The following MACROD2 variants were observed in gnomAD, a reference collection of about 807,000 sequenced individuals.
MACROD2 encodes mono-ADP ribosylhydrolase 2.
MACROD2 carries 36 observed loss-of-function variants against 70.4 expected under a neutral mutation model. That is an observed-to-expected ratio of 0.51 (90% CI 0.39 to 0.68). The LOEUF is 0.68. MACROD2 is among the 30% of genes least tolerant of loss of function. The pLI is 0.00. For missense variants in MACROD2, 496 were observed against 538.4 expected, an observed-to-expected ratio of 0.92 and a Z score of 0.78; for synonymous variants, 172 against 178.8, an observed-to-expected ratio of 0.96 and a Z score of 0.30.
intron 3 of MACROD2, among the ~76,000 whole-genome samples, chr20:14,190,402 TAC>T (rs1347525561): frequency 2.6e-5 from 4 of 152,012 alleles, no homozygotes; most frequent in African/African-American, 9.7e-5. Flanking sequence ...TTAGAATACT[TAC>T]AGAAAATAGC....
intron 3 of MACROD2, among the ~76,000 whole-genome samples, chr20:14,142,754 T>C (rs2054893717): frequency 1.3e-5 from 2 of 152,224 alleles, no homozygotes; most frequent in Non-Finnish European, 2.9e-5. Context: ...TTGATAAACT[T>C]CTATAAAATA....
At chr20:15,632,612 C>T (rs1180180790) in intron 8 of MACROD2, among the ~76,000 whole-genome samples, 1 of 151,978 alleles carries the variant, frequency 6.6e-6, no homozygotes, top group East Asian at 1.9e-4. Flanking sequence ...ACTTTGAGGG[C>T]CAGAGGAAGA....
intron 10 of MACROD2, among the ~76,000 whole-genome samples, chr20:15,925,188 T>C (rs2065470533): frequency 6.6e-6 from 1 of 152,238 alleles, no homozygotes; most frequent in African/African-American, 2.4e-5. Context: ...AGTTGATTTC[T>C]AACCTCAGTT....
intron 3 of MACROD2, among the ~76,000 whole-genome samples, chr20:14,200,541 A>G (rs1274726055): frequency 6.6e-6 from 1 of 152,208 alleles, no homozygotes; most frequent in Non-Finnish European, 1.5e-5. Flanking sequence ...AACAAAAAAC[A>G]AAAAACAAAA....
intron 5 of MACROD2, among the ~76,000 whole-genome samples, chr20:14,887,162 G>T (rs933156910): frequency 6.6e-6 from 1 of 152,064 alleles, no homozygotes; most frequent in Non-Finnish European, 1.5e-5. Flanking sequence ...ATGTGTGTCT[G>T]CAAAGGCTTC....
At chr20:15,822,029 T>A (rs548475027) in intron 8 of MACROD2, among the ~76,000 whole-genome samples, 3 of 152,332 alleles carry the variant, frequency 2.0e-5, no homozygotes, top group East Asian at 3.9e-4. Flanking sequence ...TGAAATTCTG[T>A]CAAATAATTA....
intron 12 of MACROD2, among the ~76,000 whole-genome samples, chr20:15,957,032 C>A (rs914960906): frequency 2.0e-5 from 3 of 152,078 alleles, no homozygotes; most frequent in Admixed American, 2.0e-4. Flanking sequence ...AGCAAGAAGA[C>A]ACAGAAAAGG....
intron 15 of MACROD2, among the ~76,000 whole-genome samples, chr20:16,035,781 CATCCACA>C: frequency 3.0e-4 from 1 of 3,282 alleles, no homozygotes; most frequent in Non-Finnish European, 7.5e-3. Context: ...GAAGTGTATC[CATCCACA>C]TGAGCTGAGT....
chr20:14,013,003 G>A (rs1243118778), intron 2 of MACROD2, among the ~76,000 whole-genome samples: 2 of 152,104 alleles, frequency 1.3e-5, no homozygotes, highest in African/African-American at 4.8e-5. Context: ...GTGTGCATAA[G>A]TTTTGATAAA....
chr20:14,646,929 G>A (rs940514318), intron 4 of MACROD2, among the ~76,000 whole-genome samples: 4 of 151,954 alleles, frequency 2.6e-5, no homozygotes, highest in Admixed American at 2.0e-4. Flanking sequence ...AAATATGTGC[G>A]GGTGTCTGGG....
intron 5 of MACROD2, among the ~76,000 whole-genome samples, chr20:14,901,769 T>C (rs963484812): frequency 6.6e-6 from 1 of 152,176 alleles, no homozygotes; most frequent in Non-Finnish European, 1.5e-5. Flanking sequence ...TTGCCTGGAA[T>C]AGTTTCTCTA....
chr20:15,478,424 T>C (rs2047050593), intron 7 of MACROD2, among the ~76,000 whole-genome samples: 1 of 152,184 alleles, frequency 6.6e-6, no homozygotes, highest in Admixed American at 6.5e-5. Flanking sequence ...TAGGCTTGTC[T>C]ACAACTTGTC....
chr20:14,202,645 A>G (rs1019615087), intron 3 of MACROD2, among the ~76,000 whole-genome samples: 5 of 152,234 alleles, frequency 3.3e-5, no homozygotes, highest in Non-Finnish European at 7.3e-5. Context: ...TATAAGAAGA[A>G]AAGAAGTGCT....
chr20:15,444,230 A>T (rs1012158073), intron 7 of MACROD2, among the ~76,000 whole-genome samples: 2 of 152,174 alleles, frequency 1.3e-5, no homozygotes, highest in African/African-American at 4.8e-5. Context: ...CGTCCATGTC[A>T]TAGCATCTGT....
chr20:14,865,247 A>G (rs387455), intron 5 of MACROD2, among the ~76,000 whole-genome samples: 39,143 of 151,978 alleles, frequency 0.26, 5,627 homozygotes, highest in Non-Finnish European at 0.33. Context: ...CCATGATGCT[A>G]TCTCCTGCCA....
intron 3 of MACROD2, among the ~76,000 whole-genome samples, chr20:14,471,936 A>T (rs1433117967): frequency 6.6e-6 from 1 of 152,088 alleles, no homozygotes; most frequent in African/African-American, 2.4e-5. Flanking sequence ...AATCAGCATT[A>T]TTTTCTTTTT....
chr20:14,318,478 T>A (rs1270492276), intron 3 of MACROD2, among the ~76,000 whole-genome samples: 1 of 152,206 alleles, frequency 6.6e-6, no homozygotes, highest in Non-Finnish European at 1.5e-5. Context: ...GTGATTTGCT[T>A]ACCTCTTTGC....
chr20:14,142,568 C>A (rs2054890812), intron 3 of MACROD2, among the ~76,000 whole-genome samples: 1 of 152,164 alleles, frequency 6.6e-6, no homozygotes, highest in South Asian at 2.1e-4. Context: ...CATTATGAAG[C>A]TGCCACCACA....
intron 6 of MACROD2, among the ~76,000 whole-genome samples, chr20:15,400,680 CATT>C (rs2045916774): frequency 6.6e-6 from 1 of 152,110 alleles, no homozygotes; most frequent in Non-Finnish European, 1.5e-5. Context: ...GTCTTTTCTC[CATT>C]ATTTTGAGAT....
Sources: gnomAD v4.1 joint callset for allele counts (sites outside exome capture counted in the v4.1 genomes callset) on GRCh38, gnomAD v4.1.1 for gene constraint, MANE v1.5 for transcripts, NCBI Gene and HGNC (gene_info 2026-07-23, HGNC 2026-07-21) for gene names.